SLC13A1: variants seen among roughly 807,000 people sequenced by gnomAD.
The protein encoded by SLC13A1 is solute carrier family 13 member 1, also known as Na(+)/sulfate cotransporter.
SLC13A1 carries 65 observed loss-of-function variants against 70.0 expected under a neutral mutation model. The ratio of observed to expected loss-of-function variants is 0.93; its 90% confidence interval spans 0.76 to 1.14. The LOEUF is 1.14. Among genes scored for constraint, SLC13A1 ranks in the 50% most tolerant of loss-of-function variants. The pLI, the probability that SLC13A1 is intolerant of heterozygous loss-of-function variation, is 0.00. For synonymous variants in SLC13A1, 275 were observed against 250.5 expected, an observed-to-expected ratio of 1.10 and a Z score of -0.92; for missense variants, 726 against 717.8, an observed-to-expected ratio of 1.01 and a Z score of -0.13.
At chr7:123,174,582 G>A (rs1795386217) in intron 2 of SLC13A1, among the ~76,000 whole-genome samples, 1 of 151,996 alleles carries the variant, frequency 6.6e-6, no homozygotes, top group Non-Finnish European at 1.5e-5. Flanking sequence ...GCTACTGTAT[G>A]ATCGATCTTT....
intron 2 of SLC13A1, among the ~76,000 whole-genome samples, chr7:123,177,717 T>C (rs998461360): frequency 3.9e-5 from 6 of 152,150 alleles, no homozygotes; most frequent in Admixed American, 2.0e-4. Context: ...TTTCTTCAGG[T>C]ATCACTATCT....
At chr7:123,189,240 T>TC (rs1224419225) in intron 1 of SLC13A1, among the ~76,000 whole-genome samples, 1 of 152,066 alleles carries the variant, frequency 6.6e-6, no homozygotes, top group African/African-American at 2.4e-5. Context: ...ACTTTTTTTT[T>TC]CTCAAAATGA....
chr7:123,174,057 C>T (rs1795366283), intron 2 of SLC13A1, among the ~76,000 whole-genome samples: 1 of 150,966 alleles, frequency 6.6e-6, no homozygotes, highest in Admixed American at 6.6e-5. Context: ...TATCTCGGTC[C>T]TCCAAAATGC....
intron 7 of SLC13A1, among the ~76,000 whole-genome samples, chr7:123,143,913 A>G (rs2116396201): frequency 6.6e-6 from 1 of 152,348 alleles, no homozygotes; most frequent in Admixed American, 6.5e-5. Context: ...GCAGTAGAAG[A>G]GGAATACACA....
At chr7:123,190,074 A>T (rs1422518829) in intron 1 of SLC13A1, among the ~76,000 whole-genome samples, 4 of 152,194 alleles carry the variant, frequency 2.6e-5, no homozygotes, top group African/African-American at 9.6e-5. Flanking sequence ...ATATCCTTTT[A>T]TATTCTATTT....
chr7:123,115,431 G>A lies in SLC13A1; in HGVS notation c.*87C>T. On this transcript the variant is annotated 3_prime_UTR_variant, in exon 15 of 15. Transcript: ENST00000194130. ...TACACCATAACTGATTTAAATGTGT[G>A]TCATTAGTTATTTAGAGCCACATTT... is the stretch of plus-strand genomic sequence containing the variant. 1 of 1,333,772 alleles carries A rather than the reference G, an allele frequency of 7.5e-7. No individual in the cohort carries two copies. The highest frequency in any genetic ancestry group is 1.1e-6 in the Non-Finnish European group (1 of 950,078). The allele number at this position is 1,333,772 out of a possible 1,614,324, so 82.6% of individuals were successfully genotyped here.
Position 123,164,211 on chromosome 7 carries a change from T to C in SLC13A1, c.660+4163A>G, listed in dbSNP as rs573998849. On this transcript the variant is annotated intron_variant, in intron 6 of 14. Coordinates refer to ENST00000194130, the MANE Select transcript of SLC13A1 (RefSeq NM_022444.4). ...GGTGACATTGAGCAAATGTTAAATG[T>C]ATATTTCTTAACTAATATTACTGTC... is the stretch of plus-strand genomic sequence containing the variant. 3.3e-5 allele frequency among the ~76,000 whole-genome samples: 5 copies of C among 152,134 alleles called. No individual in the cohort carries two copies. The South Asian group carries it at 6.2e-4, about 19-fold the overall frequency.
chr7:123,171,735 A>C, intron 3 of SLC13A1, 33 bp downstream of exon 3: 1 of 1,610,216 alleles, frequency 6.2e-7, no homozygotes, highest in Non-Finnish European at 8.5e-7. Flanking sequence ...TCTGTTCAGC[A>C]GGTAAACTGG....
At chr7:123,198,856 G>C (rs1256861708) in intron 1 of SLC13A1, among the ~76,000 whole-genome samples, 1 of 152,106 alleles carries the variant, frequency 6.6e-6, no homozygotes, top group Non-Finnish European at 1.5e-5. Context: ...TGCCCCACCT[G>C]TGGAGTCAAC....
At chr7:123,187,658 A>T (rs1795851570) in intron 1 of SLC13A1, among the ~76,000 whole-genome samples, 1 of 152,188 alleles carries the variant, frequency 6.6e-6, no homozygotes, top group Admixed American at 6.6e-5. Context: ...TTTTAAAATT[A>T]AATAAGGTTT....
At chr7:123,119,504 C>A (rs773868573) in intron 12 of SLC13A1, among the ~76,000 whole-genome samples, 2 of 151,720 alleles carry the variant, frequency 1.3e-5, no homozygotes, top group Non-Finnish European at 2.9e-5. Flanking sequence ...TTAATTTTAT[C>A]TAATTTATAT....
At chr7:123,138,266 A>T (rs1025938026) in intron 7 of SLC13A1, among the ~76,000 whole-genome samples, 2 of 152,164 alleles carry the variant, frequency 1.3e-5, no homozygotes, top group South Asian at 2.1e-4. Flanking sequence ...TTATGGCTAA[A>T]CAGTATTCCA....
intron 2 of SLC13A1, among the ~76,000 whole-genome samples, chr7:123,173,312 G>A (rs983402886): frequency 2.6e-5 from 4 of 152,106 alleles, no homozygotes; most frequent in Non-Finnish European, 1.5e-5. Context: ...AAGTAGGCAA[G>A]TGGACAACTT....
intron 7 of SLC13A1, among the ~76,000 whole-genome samples, chr7:123,141,343 T>C (rs2462146): frequency 0.029 from 4,380 of 152,272 alleles, 208 homozygotes; most frequent in African/African-American, 0.1. Flanking sequence ...GGTCTATCCT[T>C]GAGAATGGTC....
At chr7:123,192,099 C>T (rs986736521) in intron 1 of SLC13A1, among the ~76,000 whole-genome samples, 14 of 152,094 alleles carry the variant, frequency 9.2e-5, no homozygotes, top group African/African-American at 2.7e-4. Context: ...GACTCCTGCC[C>T]CAGTGGGTGA....
chr7:123,195,484 T>A (rs977865112), intron 1 of SLC13A1, among the ~76,000 whole-genome samples: 2 of 152,034 alleles, frequency 1.3e-5, no homozygotes, highest in African/African-American at 4.8e-5. Flanking sequence ...CTCATTTTCA[T>A]TTTCTTTGAC....
chr7:123,178,702 C>T (rs1795540587), intron 2 of SLC13A1, among the ~76,000 whole-genome samples: 1 of 152,030 alleles, frequency 6.6e-6, no homozygotes, highest in African/African-American at 2.4e-5. Context: ...GTAAGTTACC[C>T]TGTCGGCAAA....
intron 6 of SLC13A1, among the ~76,000 whole-genome samples, chr7:123,149,866 T>C (rs1034030829): frequency 1.3e-5 from 2 of 152,184 alleles, no homozygotes; most frequent in South Asian, 2.1e-4. Flanking sequence ...ACTTCCATCC[T>C]TATTCAGTTT....
At chr7:123,134,383 G>A (rs1346995757) in intron 8 of SLC13A1, 27 bp downstream of exon 8, 2 of 1,606,840 alleles carry the variant, frequency 1.2e-6, no homozygotes, top group African/African-American at 1.3e-5. Flanking sequence ...CCTTTATTTA[G>A]CCTATTAACA....
Sources: gnomAD v4.1 joint callset for allele counts (sites outside exome capture counted in the v4.1 genomes callset) on GRCh38, gnomAD v4.1.1 for gene constraint, MANE v1.5 for transcripts, NCBI Gene and HGNC (gene_info 2026-07-23, HGNC 2026-07-21) for gene names.